Variants in HNRNPH1 observed in about 807,000 individuals in gnomAD.
The protein encoded by HNRNPH1 is heterogeneous nuclear ribonucleoprotein H1.
HNRNPH1 carries 4 observed loss-of-function variants against 58.6 expected under a neutral mutation model. That is an observed-to-expected ratio of 0.07 (90% CI 0.03 to 0.16). The LOEUF is 0.16. Ranked by LOEUF, HNRNPH1 falls within the 10% of genes least tolerant of loss-of-function variation. HNRNPH1 has a pLI of 1.00. For synonymous variants in HNRNPH1, 192 were observed against 189.2 expected (o/e 1.01, Z -0.12); for missense variants, 271 against 564.2 (o/e 0.48, Z 5.26).
At chr5:179,614,743 A>C in exon 13 of HNRNPH1, 1 of 661,960 alleles carries the variant, frequency 1.5e-6, no homozygotes, top group South Asian at 1.8e-5. Context: ...ATAAATCACA[A>C]GCTTGTATTG....
At chr5:179,616,213 G>C in exon 11 of HNRNPH1, 1 of 1,613,766 alleles carries the variant, frequency 6.2e-7, no homozygotes, top group Non-Finnish European at 8.5e-7. Flanking sequence ...TAGCTGGACT[G>C]GTTTGCTGTT....
At chr5:179,617,597 C>T (rs1393203837) in exon 8 of HNRNPH1, 1 of 1,613,924 alleles carries the variant, frequency 6.2e-7, no homozygotes, top group Non-Finnish European at 8.5e-7. Flanking sequence ...AGTTACTCTG[C>T]CATCAGGACC....
upstream of HNRNPH1, among the ~76,000 whole-genome samples, chr5:179,626,733 AT>A (rs1774432272): frequency 6.7e-6 from 1 of 148,830 alleles, no homozygotes; most frequent in African/African-American, 2.5e-5. Context: ...AAAAAAAAAA[AT>A]TCATCATCTT....
At chr5:179,628,780 A>C (rs561766311), upstream of HNRNPH1, among the ~76,000 whole-genome samples, 1 of 152,216 alleles carries the variant, frequency 6.6e-6, no homozygotes, top group African/African-American at 2.4e-5. Flanking sequence ...TCTCTACTAC[A>C]TTATCACATC....
At chr5:179,614,913 AC>A in exon 13 of HNRNPH1, 1 of 1,550,104 alleles carries the variant, frequency 6.5e-7, no homozygotes, top group Non-Finnish European at 8.7e-7. Context: ...CCATAGATGC[AC>A]GGCTTCCACT....
At chr5:179,615,083 A>G in intron 12 of HNRNPH1, 124 bp from the exon 14 acceptor site, 1 of 669,020 alleles carries the variant, frequency 1.5e-6, no homozygotes, top group Non-Finnish European at 2.7e-6. Flanking sequence ...AAGTGGCGAG[A>G]CGCATGTTTG....
intron 9 of HNRNPH1, 34 bp from the exon 11 acceptor site, chr5:179,616,992 T>TA (rs71591434): frequency 0.033 from 51,707 of 1,588,654 alleles, 2,610 homozygotes; most frequent in South Asian, 0.066. Flanking sequence ...AAGGTTAGCT[T>TA]AAAAAAAAGA....
chr5:179,619,340 GGC>G lies in HNRNPH1; in HGVS notation c.463_464del (p.Ala155LeufsTer11). 6.2e-7 allele frequency: 1 copy of G among 1,613,350 alleles called. No individual in the cohort carries two copies. Among genetic ancestry groups the G allele is most frequent in the Non-Finnish European group, 8.5e-7 (1 of 1,179,618 alleles). On this transcript the variant is annotated frameshift_variant, in exon 4 of 13. Coordinates refer to ENST00000356731, the Ensembl canonical transcript of HNRNPH1. LOFTEE classifies it high-confidence loss of function. ...TTTCCTGTGAAGCAAACTGCACGAAGGCCTCCCCCGTACTCCTCCCCTGGAAG... is the reference window on the plus strand; with the variant it reads ...TTTCCTGTGAAGCAAACTGCACGAAGCTCCCCCGTACTCCTCCCCTGGAAG...
chr5:179,620,447 G>A (rs936211986), intron 3 of HNRNPH1, among the ~76,000 whole-genome samples: 2 of 152,168 alleles, frequency 1.3e-5, no homozygotes, highest in Non-Finnish European at 2.9e-5. Context: ...ACCGACTTTT[G>A]CATTAAAGAG....
chr5:179,633,895 G>T (rs185445077), intron 2 of HNRNPH1: 1 of 134,976 alleles, frequency 7.4e-6, no homozygotes, highest in East Asian at 2.8e-4. Flanking sequence ...TCCAGCCTGG[G>T]TGATAGAGCG....
chr5:179,627,806 C>T (rs1774518016), upstream of HNRNPH1, among the ~76,000 whole-genome samples: 1 of 148,372 alleles, frequency 6.7e-6, no homozygotes, highest in South Asian at 2.1e-4. Flanking sequence ...CCTGTAATCC[C>T]AGCTACTTGG....
chr5:179,630,494 T>A (rs1407369343), intron 2 of HNRNPH1, among the ~76,000 whole-genome samples: 1 of 152,188 alleles, frequency 6.6e-6, no homozygotes, highest in East Asian at 1.9e-4. Context: ...AATTTTCAAA[T>A]TAATGATCAT....
chr5:179,616,266 T>A, intron 10 of HNRNPH1, 48 bp from the exon 12 acceptor site: 1 of 1,369,262 alleles, frequency 7.3e-7, no homozygotes, highest in Non-Finnish European at 1.0e-6. Context: ...TGTGATGTGG[T>A]ACCTGGTGGT....
exon 1 of HNRNPH1, chr5:179,624,094 T>G (rs1230976233): frequency 1.2e-5 from 2 of 161,202 alleles, no homozygotes; most frequent in Non-Finnish European, 2.7e-5. Flanking sequence ...CCCAGGCTCT[T>G]ACCGGCGCGC....
chr5:179,617,693 G>C (rs750355470), intron 7 of HNRNPH1, 44 bp from the exon 9 acceptor site: 9 of 1,604,196 alleles, frequency 5.6e-6, no homozygotes, highest in Non-Finnish European at 6.8e-6. Flanking sequence ...ACTTTCTAAC[G>C]TTACAAAAAA....
chr5:179,620,161 A>C (rs1771647042), intron 3 of HNRNPH1: 1 of 152,254 alleles, frequency 6.6e-6, no homozygotes, highest in Admixed American at 6.5e-5. Context: ...ACATATATCA[A>C]TTTTTAACAT....
At chr5:179,632,498 A>G (rs1021908661) in intron 2 of HNRNPH1, among the ~76,000 whole-genome samples, 9 of 152,338 alleles carry the variant, frequency 5.9e-5, no homozygotes, top group African/African-American at 2.2e-4. Flanking sequence ...GTCCGGCTCC[A>G]CAACCACGTA....
At chr5:179,625,465 C>A (rs1267843497), upstream of HNRNPH1, among the ~76,000 whole-genome samples, 1 of 144,870 alleles carries the variant, frequency 6.9e-6, no homozygotes, top group Admixed American at 7.0e-5. Flanking sequence ...GCCCTCCAGC[C>A]TGGGCTACAA....
chr5:179,617,407 T>C (rs1265626313), intron 8 of HNRNPH1, 107 bp downstream of exon 9: 1 of 1,281,404 alleles, frequency 7.8e-7, no homozygotes, highest in Non-Finnish European at 1.1e-6. Context: ...ATTAATCTAT[T>C]ACTGGAGAGG....
Sources: allele counts gnomAD v4.1 joint callset (sites outside exome capture counted in the v4.1 genomes callset), GRCh38; gene constraint gnomAD v4.1.1; transcripts MANE v1.5; gene names NCBI Gene and HGNC (gene_info 2026-07-23, HGNC 2026-07-21).